The following MAD1L1 variants were observed in gnomAD, a reference collection of about 807,000 sequenced individuals.
MAD1L1 encodes mitotic arrest deficient 1 like 1.
In MAD1L1, 95 loss-of-function variants were observed where a neutral mutation model predicts 96.9. The ratio of observed to expected loss-of-function variants is 0.98; its 90% confidence interval spans 0.83 to 1.16. The LOEUF is 1.16. MAD1L1 is among the 50% of genes most tolerant of loss of function. The pLI is 0.00. For synonymous variants in MAD1L1, 473 were observed against 396.6 expected, an observed-to-expected ratio of 1.19 and a Z score of -2.29; for missense variants, 1,007 against 954.4, an observed-to-expected ratio of 1.06 and a Z score of -0.73.
chr7:2,086,117 C>A (rs1413904843), intron 11 of MAD1L1, among the ~76,000 whole-genome samples: 1 of 152,202 alleles, frequency 6.6e-6, no homozygotes, highest in African/African-American at 2.4e-5. Flanking sequence ...CCCTCCTGGC[C>A]AGCAGCCCCA....
At chr7:2,205,007 G>A (rs925616860) in intron 10 of MAD1L1, among the ~76,000 whole-genome samples, 2 of 150,228 alleles carry the variant, frequency 1.3e-5, no homozygotes, top group Non-Finnish European at 1.5e-5. Context: ...TCTTGAAACC[G>A]CCTTTACAGA....
intron 12 of MAD1L1, among the ~76,000 whole-genome samples, chr7:2,061,485 G>A (rs936885068): frequency 1.3e-5 from 2 of 152,244 alleles, no homozygotes; most frequent in African/African-American, 4.8e-5. Flanking sequence ...CAAGCCTCAG[G>A]AAAGTAAGAA....
At chr7:1,818,473 C>G (rs925684932) in intron 18 of MAD1L1, among the ~76,000 whole-genome samples, 1 of 152,084 alleles carries the variant, frequency 6.6e-6, no homozygotes, top group Non-Finnish European at 1.5e-5. Flanking sequence ...GCCTCGAGCT[C>G]CCGGACTCAA....
chr7:1,939,194 T>TCACA (rs67150262), intron 16 of MAD1L1, among the ~76,000 whole-genome samples: 4,738 of 125,546 alleles, frequency 0.038, 194 homozygotes, highest in Admixed American at 0.097. Flanking sequence ...CCAGAGGCGC[T>TCACA]CACACACACA....
At chr7:1,853,417 C>T (rs1016774641) in intron 18 of MAD1L1, among the ~76,000 whole-genome samples, 3 of 152,194 alleles carry the variant, frequency 2.0e-5, no homozygotes, top group African/African-American at 7.2e-5. Context: ...GCAGCCCTGC[C>T]TTCATTCAAC....
At chr7:2,052,470 G>A (rs1382123492) in intron 12 of MAD1L1, among the ~76,000 whole-genome samples, 3 of 152,086 alleles carry the variant, frequency 2.0e-5, no homozygotes, top group African/African-American at 4.8e-5. Context: ...CAGCTCACTA[G>A]GGCCCAGGCA....
rs979312698 is a variant in MAD1L1 at position 2,088,258 on chromosome 7, C to T, written c.1074-18920G>A. Among the ~76,000 whole-genome samples, 6 of 152,196 alleles carry T rather than the reference C, an allele frequency of 3.9e-5. No individual in the cohort carries two copies. The highest frequency in any genetic ancestry group is 3.3e-4 in the Admixed American group (5 of 15,286). ...CACACCCCTGCCTGAAACCTGCCGA[C>T]GGGCCTGTTGCCGCTGGAACACAAT... On this transcript the variant is annotated intron_variant, in intron 11 of 18. Coordinates refer to ENST00000265854, the MANE Select transcript of MAD1L1 (RefSeq NM_001013836.2). The surrounding 1 kb of genome is among the most constrained non-coding windows in gnomAD (Gnocchi z 4.4).
chr7:2,020,143 G>A (rs1201459330), intron 12 of MAD1L1, among the ~76,000 whole-genome samples: 2 of 152,224 alleles, frequency 1.3e-5, no homozygotes, highest in Non-Finnish European at 2.9e-5. Context: ...GCTGCAAACA[G>A]AGGAGCCGCC....
At chr7:1,951,751 C>T (rs567100563) in intron 16 of MAD1L1, among the ~76,000 whole-genome samples, 2 of 152,276 alleles carry the variant, frequency 1.3e-5, no homozygotes, top group African/African-American at 4.8e-5. Flanking sequence ...ATCCATGCTG[C>T]GGCAGGTGTC....
At chr7:1,920,489 C>T (rs1486577408) in intron 17 of MAD1L1, among the ~76,000 whole-genome samples, 1 of 152,184 alleles carries the variant, frequency 6.6e-6, no homozygotes, top group Non-Finnish European at 1.5e-5. Flanking sequence ...ACCCGCTGCA[C>T]GCTCTCACCC....
chr7:2,193,660 C>T (rs1791835672), intron 10 of MAD1L1, among the ~76,000 whole-genome samples: 1 of 152,216 alleles, frequency 6.6e-6, no homozygotes, highest in Non-Finnish European at 1.5e-5. Context: ...AAAATTATTA[C>T]CAAGGGGTAA....
chr7:1,837,994 G>C (rs1176938818), intron 18 of MAD1L1, among the ~76,000 whole-genome samples: 4 of 152,228 alleles, frequency 2.6e-5, no homozygotes, highest in Non-Finnish European at 4.4e-5. Flanking sequence ...GCAGCGTGCT[G>C]CTTCTCCAGA....
chr7:1,961,614 T>C (rs1024060689), intron 15 of MAD1L1, among the ~76,000 whole-genome samples: 1 of 152,186 alleles, frequency 6.6e-6, no homozygotes, highest in Admixed American at 6.5e-5. Flanking sequence ...TAAAAGAAAA[T>C]ACAGGAGAAA....
chr7:1,874,239 C>G (rs1480327656), intron 18 of MAD1L1, among the ~76,000 whole-genome samples: 1 of 152,196 alleles, frequency 6.6e-6, no homozygotes, highest in East Asian at 1.9e-4. Flanking sequence ...GGTCTCCCAC[C>G]AGCGCATCAG....
chr7:1,959,244 G>C (rs900442580), intron 15 of MAD1L1, among the ~76,000 whole-genome samples: 1 of 152,082 alleles, frequency 6.6e-6, no homozygotes, highest in African/African-American at 2.4e-5. Flanking sequence ...GCGAGGCCCT[G>C]TCTCAAAAAC....
intron 18 of MAD1L1, among the ~76,000 whole-genome samples, chr7:1,821,365 C>T (rs953899136): frequency 2.0e-5 from 3 of 151,948 alleles, no homozygotes; most frequent in Admixed American, 6.6e-5. Flanking sequence ...AAAGTTTTAC[C>T]GAACATTAAA....
chr7:2,227,151 C>T (rs996584923), intron 3 of MAD1L1, among the ~76,000 whole-genome samples: 1 of 151,388 alleles, frequency 6.6e-6, no homozygotes, highest in Non-Finnish European at 1.5e-5. Context: ...GAAAATTAGC[C>T]GAGTGTGGTG....
At chr7:1,881,669 C>A (rs117527823) in intron 18 of MAD1L1, among the ~76,000 whole-genome samples, 25 of 152,308 alleles carry the variant, frequency 1.6e-4, no homozygotes, top group Non-Finnish European at 3.2e-4. Flanking sequence ...GTAAAATGCT[C>A]ACGATATAGT....
At chr7:2,015,044 T>C (rs1016260654) in intron 12 of MAD1L1, among the ~76,000 whole-genome samples, 6 of 152,276 alleles carry the variant, frequency 3.9e-5, no homozygotes, top group East Asian at 1.9e-4. Context: ...GCCTGTTCTA[T>C]TGGGTCTGCG....
Sources: allele counts gnomAD v4.1 joint callset (sites outside exome capture counted in the v4.1 genomes callset), GRCh38; gene constraint gnomAD v4.1.1; non-coding constraint Gnocchi (gnomAD v3.1); transcripts MANE v1.5; gene names NCBI Gene and HGNC (gene_info 2026-07-23, HGNC 2026-07-21).